Variants in CACNA2D3 observed in about 807,000 individuals in gnomAD.
CACNA2D3 encodes the protein calcium voltage-gated channel auxiliary subunit alpha2delta 3, also known as voltage-dependent calcium channel subunit alpha-2/delta-3.
CACNA2D3 carries 60 observed loss-of-function variants against 160.6 expected under a neutral mutation model. The ratio of observed to expected loss-of-function variants is 0.37; its 90% CI spans 0.30 to 0.46. The LOEUF (loss-of-function observed/expected upper bound fraction) is 0.46, where lower values mean the gene tolerates loss of function less well. Ranked by LOEUF, CACNA2D3 falls within the 20% of genes least tolerant of loss-of-function variation. CACNA2D3 has a pLI of 1.00. For missense variants in CACNA2D3, 1,205 were observed against 1,365.0 expected, an observed-to-expected ratio of 0.88 and a Z score of 1.85; for synonymous variants, 558 against 492.9, an observed-to-expected ratio of 1.13 and a Z score of -1.75.
intron 9 of CACNA2D3, among the ~76,000 whole-genome samples, chr3:54,608,511 G>A (rs1698683350): frequency 6.6e-6 from 1 of 152,200 alleles, no homozygotes; most frequent in Non-Finnish European, 1.5e-5. Context: ...ATAAAGAGTA[G>A]TATGGCTAGG....
chr3:54,659,031 G>T (rs1292871245), intron 11 of CACNA2D3, among the ~76,000 whole-genome samples: 1 of 151,964 alleles, frequency 6.6e-6, no homozygotes, highest in Non-Finnish European at 1.5e-5. Context: ...CTTCCTTCAT[G>T]TCTTTTGCTT....
At chr3:55,061,704 T>C (rs1397557519) in intron 35 of CACNA2D3, among the ~76,000 whole-genome samples, 1 of 152,182 alleles carries the variant, frequency 6.6e-6, no homozygotes, top group Non-Finnish European at 1.5e-5. Flanking sequence ...TGTTTTCATA[T>C]GTTTGGAGTA....
intron 27 of CACNA2D3, among the ~76,000 whole-genome samples, chr3:54,964,408 G>A (rs1482304427): frequency 1.6e-5 from 2 of 123,954 alleles, no homozygotes; most frequent in African/African-American, 2.6e-5. Flanking sequence ...CAGGAATGGT[G>A]ATTTTTTTTT....
At chr3:54,476,294 T>A (rs867360793) in intron 4 of CACNA2D3, among the ~76,000 whole-genome samples, 6 of 151,334 alleles carry the variant, frequency 4.0e-5, no homozygotes, top group South Asian at 4.2e-4. Flanking sequence ...ACATTTTTTT[T>A]ATCCATTCAC....
intron 35 of CACNA2D3, among the ~76,000 whole-genome samples, chr3:55,055,339 T>TA (rs1398809095): frequency 6.6e-6 from 1 of 152,102 alleles, no homozygotes; most frequent in African/African-American, 2.4e-5. Context: ...TGTATTCCAG[T>TA]AAAAATCAGT....
At chr3:54,736,344 G>C (rs1701532407) in intron 11 of CACNA2D3, among the ~76,000 whole-genome samples, 1 of 151,536 alleles carries the variant, frequency 6.6e-6, no homozygotes, top group Non-Finnish European at 1.5e-5. Context: ...TTAGGTTGTT[G>C]TAATTTTTCT....
intron 11 of CACNA2D3, among the ~76,000 whole-genome samples, chr3:54,722,484 G>C (rs937529365): frequency 6.6e-6 from 1 of 152,200 alleles, no homozygotes; most frequent in Non-Finnish European, 1.5e-5. Context: ...TGGAGGAGAA[G>C]AGGCCTTCTG....
chr3:54,566,033 C>G (rs1187914513), intron 6 of CACNA2D3, among the ~76,000 whole-genome samples: 1 of 152,164 alleles, frequency 6.6e-6, no homozygotes, highest in Non-Finnish European at 1.5e-5. Flanking sequence ...AGATCAAACT[C>G]CACCAGATCT....
At chr3:54,289,698 A>G (rs564768694) in intron 2 of CACNA2D3, among the ~76,000 whole-genome samples, 1 of 152,258 alleles carries the variant, frequency 6.6e-6, no homozygotes, top group African/African-American at 2.4e-5. Flanking sequence ...TGGTAGTGGT[A>G]CCAAAACAGA....
intron 4 of CACNA2D3, among the ~76,000 whole-genome samples, chr3:54,455,014 T>C (rs1700372779): frequency 6.6e-6 from 1 of 152,240 alleles, no homozygotes; most frequent in African/African-American, 2.4e-5. Flanking sequence ...CATGAGTTGC[T>C]TCCCTATCTT....
At chr3:55,062,102 T>C (rs1430162693) in intron 35 of CACNA2D3, among the ~76,000 whole-genome samples, 1 of 152,182 alleles carries the variant, frequency 6.6e-6, no homozygotes, top group East Asian at 1.9e-4. Context: ...CTTTGAATTA[T>C]ATTTTTATCT....
At chr3:54,765,587 G>A (rs1375414932) in intron 13 of CACNA2D3, among the ~76,000 whole-genome samples, 1 of 152,164 alleles carries the variant, frequency 6.6e-6, no homozygotes, top group African/African-American at 2.4e-5. Context: ...TGTTGGGTAA[G>A]GCAGGAAAAA....
chr3:55,038,625 A>G (rs1703884971), intron 35 of CACNA2D3, among the ~76,000 whole-genome samples: 1 of 152,010 alleles, frequency 6.6e-6, no homozygotes. Flanking sequence ...TTAGCCTGTT[A>G]AAGACCCTGA....
At chr3:54,691,901 G>A (rs1044120315) in intron 11 of CACNA2D3, among the ~76,000 whole-genome samples, 3 of 149,564 alleles carry the variant, frequency 2.0e-5, no homozygotes, top group African/African-American at 7.3e-5. Flanking sequence ...TTGACTCTGT[G>A]AATAGCCCTC....
rs71074970 is a variant in CACNA2D3, at chr3:54,451,229, C to CTTTTTTTTTTTTTTTTT, written c.382-52247_382-52231dup. 1.7e-4 allele frequency among the ~76,000 whole-genome samples: 9 copies of CTTTTTTTTTTTTTTTTT among 51,754 alleles called. 2 individuals are homozygous for CTTTTTTTTTTTTTTTTT. The highest frequency in any genetic ancestry group is 3.4e-4 in the African/African-American group (4 of 11,608). The allele number at this position is 51,754 out of a possible 152,430, so 34.0% of individuals were successfully genotyped here. On this transcript the variant is annotated intron_variant, in intron 4 of 37. Transcript: ENST00000474759. ...TGTCCCTTTCTGCTGATATAATAATCTTTTTTTTTTTTTTTTTTTTTTTTT... is the reference window on the plus strand; with the variant it reads ...TGTCCCTTTCTGCTGATATAATAATCTTTTTTTTTTTTTTTTTTTTTTTTTTTTTTTTTTTTTTTTTT...
intron 25 of CACNA2D3, among the ~76,000 whole-genome samples, chr3:54,895,415 A>G (rs1700166153): frequency 1.3e-5 from 2 of 152,128 alleles, no homozygotes; most frequent in Admixed American, 6.5e-5. Flanking sequence ...CTATCTAAGA[A>G]CCTGGAGGGT....
At chr3:54,340,985 C>T (rs563725903) in intron 3 of CACNA2D3, among the ~76,000 whole-genome samples, 1 of 152,214 alleles carries the variant, frequency 6.6e-6, no homozygotes, top group Non-Finnish European at 1.5e-5. Context: ...CTCCCCACTT[C>T]CCTGCTCTGA....
chr3:54,224,762 A>G lies in CACNA2D3; in HGVS notation c.205-95680A>G, dbSNP rs148135643. Among the ~76,000 whole-genome samples the G allele has an allele frequency of 7.2e-5, 11 of 152,108 alleles. No individual in the cohort carries two copies. In the East Asian group the frequency reaches 2.1e-3, roughly 29 times the overall value. ...TAAGATATTATTCTTATTTCATACA[A>G]AGTGTGTTTAGATTCACATACACAT... On this transcript the variant is annotated intron_variant, in intron 2 of 37. Coordinates refer to ENST00000474759, the MANE Select transcript of CACNA2D3 (RefSeq NM_018398.3).
intron 4 of CACNA2D3, among the ~76,000 whole-genome samples, chr3:54,468,243 A>C (rs1025839856): frequency 6.6e-6 from 1 of 152,180 alleles, no homozygotes; most frequent in African/African-American, 2.4e-5. Flanking sequence ...AAGTCATCTC[A>C]TTGGGACTGG....
Sources: allele counts gnomAD v4.1 joint callset (sites outside exome capture counted in the v4.1 genomes callset), GRCh38; gene constraint gnomAD v4.1.1; transcripts MANE v1.5; gene names NCBI Gene and HGNC (gene_info 2026-07-23, HGNC 2026-07-21).